Variants in CDK19 observed in about 807,000 individuals in gnomAD.
The protein encoded by CDK19 is cyclin dependent kinase 19, also known as cyclin-dependent kinase 19.
In CDK19, 20 loss-of-function variants were observed where a neutral mutation model predicts 68.3. The observed-to-expected ratio is 0.29, with a 90% CI of 0.21 to 0.43. The LOEUF (loss-of-function observed/expected upper bound fraction) is 0.43, where lower values mean the gene tolerates loss of function less well. Among genes scored for constraint, CDK19 ranks in the 20% least tolerant of loss-of-function variants. The pLI is 1.00. For synonymous variants in CDK19, 221 were observed against 222.8 expected (o/e 0.99, Z 0.07); for missense variants, 339 against 623.5 (o/e 0.54, Z 4.86).
At chr6:110,669,092 T>C (rs1309476497) in intron 3 of CDK19, among the ~76,000 whole-genome samples, 2 of 152,176 alleles carry the variant, frequency 1.3e-5, no homozygotes, top group African/African-American at 4.8e-5. Flanking sequence ...GTACATACAC[T>C]GTCCAGTAAG....
intron 2 of CDK19, among the ~76,000 whole-genome samples, chr6:110,704,072 C>T (rs908759860): frequency 6.6e-6 from 1 of 152,080 alleles, no homozygotes; most frequent in Non-Finnish European, 1.5e-5. Context: ...ATAATCAGGG[C>T]ATGCATTTTA....
intron 1 of CDK19, among the ~76,000 whole-genome samples, chr6:110,758,290 G>C (rs1207785911): frequency 6.6e-6 from 1 of 152,110 alleles, no homozygotes; most frequent in Non-Finnish European, 1.5e-5. Context: ...AGGGTAGGTG[G>C]GCAAAAGTGT....
chr6:110,663,022 TATG>T (rs1185523689), intron 4 of CDK19, among the ~76,000 whole-genome samples: 1 of 152,208 alleles, frequency 6.6e-6, no homozygotes, highest in African/African-American at 2.4e-5. Context: ...CACCAACCTT[TATG>T]ATGATGTAAT....
At chr6:110,810,014 G>A (rs530275288) in intron 1 of CDK19, among the ~76,000 whole-genome samples, 1 of 152,176 alleles carries the variant, frequency 6.6e-6, no homozygotes, top group Admixed American at 6.5e-5. Flanking sequence ...AAGGGAAAAG[G>A]GGGAGGGAAG....
At chr6:110,629,015 T>C (rs947034787) in intron 6 of CDK19, among the ~76,000 whole-genome samples, 2 of 152,160 alleles carry the variant, frequency 1.3e-5, no homozygotes, top group African/African-American at 2.4e-5. Context: ...TCCCATGTCA[T>C]ACTGGTTGTC....
At chr6:110,745,784 C>T (rs1315476191) in intron 2 of CDK19, among the ~76,000 whole-genome samples, 2 of 151,900 alleles carry the variant, frequency 1.3e-5, no homozygotes, top group African/African-American at 2.4e-5. Context: ...CTAGGCAACA[C>T]AAGGAGACCT....
chr6:110,714,297 G>A (rs1258158805), intron 2 of CDK19, among the ~76,000 whole-genome samples: 1 of 152,118 alleles, frequency 6.6e-6, no homozygotes, highest in East Asian at 1.9e-4. Flanking sequence ...AGCACATTTT[G>A]TTTATCCATT....
chr6:110,681,918 C>T (rs920071674), intron 2 of CDK19, among the ~76,000 whole-genome samples: 2 of 152,168 alleles, frequency 1.3e-5, no homozygotes, highest in Non-Finnish European at 2.9e-5. Context: ...TTTAAAGTGT[C>T]CACTTTTCAC....
At chr6:110,640,069 A>T (rs1197963722) in intron 4 of CDK19, among the ~76,000 whole-genome samples, 1 of 152,012 alleles carries the variant, frequency 6.6e-6, no homozygotes, top group African/African-American at 2.4e-5. Flanking sequence ...ATAATTTTTT[A>T]AAATAGCCTA....
intron 1 of CDK19, among the ~76,000 whole-genome samples, chr6:110,809,931 TAA>T (rs1337592090): frequency 6.6e-6 from 1 of 152,156 alleles, no homozygotes; most frequent in East Asian, 1.9e-4. Context: ...ACCGAGTGAT[TAA>T]GAGAAGGCTT....
At chr6:110,628,780 A>G (rs1272949624) in intron 6 of CDK19, among the ~76,000 whole-genome samples, 2 of 152,236 alleles carry the variant, frequency 1.3e-5, no homozygotes. Context: ...TTATTTGACC[A>G]CATTCAGGTA....
chr6:110,630,374 T>C (rs539209604), intron 6 of CDK19, among the ~76,000 whole-genome samples: 1 of 152,374 alleles, frequency 6.6e-6, no homozygotes, highest in Non-Finnish European at 1.5e-5. Context: ...CACCTTTTAC[T>C]TTCAACTAAC....
At chr6:110,684,868 G>A (rs1375103825) in intron 2 of CDK19, among the ~76,000 whole-genome samples, 1 of 152,196 alleles carries the variant, frequency 6.6e-6, no homozygotes, top group African/African-American at 2.4e-5. Context: ...GCCAGGCACA[G>A]TGGCTCACAC....
chr6:110,783,555 A>G (rs1583092007), intron 1 of CDK19, among the ~76,000 whole-genome samples: 1 of 151,330 alleles, frequency 6.6e-6, no homozygotes, highest in African/African-American at 2.4e-5. Context: ...GGAGAATCGC[A>G]TGAACCCAGG....
At chr6:110,765,451 G>T (rs962534179) in intron 1 of CDK19, among the ~76,000 whole-genome samples, 2 of 151,830 alleles carry the variant, frequency 1.3e-5, no homozygotes, top group Non-Finnish European at 2.9e-5. Context: ...GGCCGAGGCG[G>T]GTGGATCACG....
At chr6:110,639,978 C>T (rs1198689891) in intron 4 of CDK19, among the ~76,000 whole-genome samples, 2 of 152,036 alleles carry the variant, frequency 1.3e-5, no homozygotes, top group South Asian at 2.1e-4. Context: ...TTTGGGAGAC[C>T]GAGGCGGGAG....
chr6:110,803,368 C>T (rs574055400), intron 1 of CDK19, among the ~76,000 whole-genome samples: 29 of 152,262 alleles, frequency 1.9e-4, no homozygotes, highest in Non-Finnish European at 3.5e-4. Context: ...CGTGAGCCAC[C>T]GCGTCCAGCC....
In CDK19 at chr6:110,612,157, G is replaced by T. The variant is rs1778061340; in HGVS notation, c.*2378C>A. 6.6e-6 allele frequency: 1 copy of T among 152,138 alleles called. No homozygotes were observed. The highest frequency in any genetic ancestry group is 6.5e-5 in the Admixed American group (1 of 15,276). 9.4% of individuals were successfully genotyped at this position (152,138 alleles called of 1,614,324 possible). A position where few individuals can be genotyped will look rare whatever the true frequency, so the allele number is the denominator to read the frequency against. On this transcript the variant is annotated 3_prime_UTR_variant, in exon 13 of 13. Transcript: ENST00000368911. The stretch of plus-strand genomic sequence containing the variant: ...TATTTTGGTTTACATATCTATCTGG[G>T]TTTGTCTTCTTTTATTAAAGGTAAC...
intron 4 of CDK19, among the ~76,000 whole-genome samples, chr6:110,661,980 T>G (rs947820159): frequency 7.3e-5 from 11 of 151,560 alleles, no homozygotes; most frequent in Admixed American, 6.6e-4. Flanking sequence ...TTTTATTTTT[T>G]GGGGGGGGAG....
Sources: allele counts gnomAD v4.1 joint callset (sites outside exome capture counted in the v4.1 genomes callset), GRCh38; gene constraint gnomAD v4.1.1; transcripts MANE v1.5; gene names NCBI Gene and HGNC (gene_info 2026-07-23, HGNC 2026-07-21).